The following ROBO1 variants were observed in gnomAD, a reference collection of about 807,000 sequenced individuals.
ROBO1 encodes the protein roundabout homolog 1.
A neutral mutation model predicts 195.9 loss-of-function variants in ROBO1; 149 were observed. That is an observed-to-expected ratio of 0.76 (90% CI 0.67 to 0.87). The LOEUF (loss-of-function observed/expected upper bound fraction) is 0.87. Among genes scored for constraint, ROBO1 ranks in the 40% least tolerant of loss-of-function variants. The probability of loss-of-function intolerance (pLI) is 0.00; values close to 1 mark genes in which losing one functional copy is unlikely to be tolerated. For synonymous variants in ROBO1, 816 were observed against 733.2 expected (o/e 1.11, Z -1.82); for missense variants, 1,933 against 2,068.3 (o/e 0.93, Z 1.27).
At chr3:78,954,267 A>G (rs1227122378) in intron 3 of ROBO1, among the ~76,000 whole-genome samples, 2 of 152,086 alleles carry the variant, frequency 1.3e-5, no homozygotes, top group Non-Finnish European at 1.5e-5. Context: ...TGTGGAAAAC[A>G]TTGCAAATAT....
At chr3:79,129,035 C>A (rs1227878426) in intron 2 of ROBO1, among the ~76,000 whole-genome samples, 1 of 152,038 alleles carries the variant, frequency 6.6e-6, no homozygotes, top group Admixed American at 6.6e-5. Context: ...ATAACATATG[C>A]AACTTGTACA....
chr3:79,728,148 A>G (rs1576290417), intron 1 of ROBO1, among the ~76,000 whole-genome samples: 1 of 146,748 alleles, frequency 6.8e-6, no homozygotes, highest in South Asian at 2.1e-4. Flanking sequence ...CCCCCCCCAC[A>G]GGAAATTTTT....
intron 4 of ROBO1, among the ~76,000 whole-genome samples, chr3:78,752,631 A>C (rs945013724): frequency 2.6e-5 from 4 of 152,184 alleles, no homozygotes; most frequent in African/African-American, 9.7e-5. Flanking sequence ...AACTTTAAAA[A>C]ATATTCCAAC....
At chr3:78,787,410 AT>A (rs1021843947) in intron 4 of ROBO1, among the ~76,000 whole-genome samples, 6 of 151,872 alleles carry the variant, frequency 4.0e-5, no homozygotes, top group Admixed American at 6.6e-5. Flanking sequence ...GCAAATCAGA[AT>A]TTTTTTTTAT....
chr3:78,909,129 C>T (rs912531066), intron 4 of ROBO1, among the ~76,000 whole-genome samples: 1 of 151,668 alleles, frequency 6.6e-6, no homozygotes, highest in African/African-American at 2.4e-5. Flanking sequence ...CTCTCCATTG[C>T]GGAAATAATG....
rs549034591 is a variant in ROBO1, at chr3:79,560,535, T to TTATATATATATATATATATATATATA, written c.88+29288_88+29289insTATATATATATATATATATATATATA. On this transcript the variant is annotated intron_variant, in intron 2 of 30. Coordinates refer to ENST00000464233, the MANE Select transcript of ROBO1 (RefSeq NM_002941.4). ...AAAACTTAAAGTATAATAATAATAA[T>TTATATATATATATATATATATATATA]TATATATATATATATATATATATAC... Among the ~76,000 whole-genome samples the TTATATATATATATATATATATATATA allele has an allele frequency of 1.0e-3, 117 of 115,074 alleles. 1 individual carries two copies. The highest frequency in any genetic ancestry group is 1.5e-3 in the Non-Finnish European group (86 of 58,434). 75.5% of individuals were successfully genotyped at this position (115,074 alleles called of 152,430 possible).
intron 3 of ROBO1, among the ~76,000 whole-genome samples, chr3:78,968,137 G>A (rs2107889850): frequency 6.6e-6 from 1 of 152,202 alleles, no homozygotes; most frequent in Non-Finnish European, 1.5e-5. Context: ...AGAGGGCATG[G>A]AATTTAATTT....
intron 29 of ROBO1, among the ~76,000 whole-genome samples, chr3:78,601,452 G>T (rs564127937): frequency 4.7e-4 from 72 of 152,260 alleles, no homozygotes; most frequent in African/African-American, 1.6e-3. Context: ...ACACATAGGA[G>T]TTTCACAGTC....
intron 2 of ROBO1, among the ~76,000 whole-genome samples, chr3:79,156,198 G>C (rs1475329683): frequency 6.6e-6 from 1 of 151,142 alleles, no homozygotes; most frequent in Non-Finnish European, 1.5e-5. Flanking sequence ...AACCCCTCTT[G>C]GAACTGTTTG....
chr3:79,632,160 A>G (rs1472962614), intron 1 of ROBO1, among the ~76,000 whole-genome samples: 1 of 152,142 alleles, frequency 6.6e-6, no homozygotes, highest in Non-Finnish European at 1.5e-5. Context: ...AAAACATTAT[A>G]TCGAAAAGAC....
At chr3:79,194,200 A>G (rs1218095697) in intron 2 of ROBO1, among the ~76,000 whole-genome samples, 1 of 151,686 alleles carries the variant, frequency 6.6e-6, no homozygotes, top group African/African-American at 2.4e-5. Flanking sequence ...ATAGCCTATC[A>G]ATGTTTTACA....
At chr3:79,595,340 A>G (rs975820404) in intron 1 of ROBO1, among the ~76,000 whole-genome samples, 1 of 152,052 alleles carries the variant, frequency 6.6e-6, no homozygotes, top group South Asian at 2.1e-4. Context: ...TATTTCCACA[A>G]AGTCAAAAGC....
intron 1 of ROBO1, among the ~76,000 whole-genome samples, chr3:79,746,378 CATTA>C (rs1703877725): frequency 6.6e-6 from 1 of 151,682 alleles, no homozygotes; most frequent in Admixed American, 6.6e-5. Context: ...GTGATACAAG[CATTA>C]ATTAATTTGT....
chr3:79,582,986 G>T (rs2107794293), intron 2 of ROBO1, among the ~76,000 whole-genome samples: 1 of 151,978 alleles, frequency 6.6e-6, no homozygotes, highest in Admixed American at 6.6e-5. Context: ...TTATCTGCTT[G>T]TTTACAAGAT....
chr3:78,797,653 G>A (rs143945460), intron 4 of ROBO1, among the ~76,000 whole-genome samples: 17 of 152,216 alleles, frequency 1.1e-4, no homozygotes, highest in African/African-American at 3.6e-4. Context: ...TGTATGTGTC[G>A]GGGATGGGTG....
chr3:78,629,298 C>CTT (rs202040928), intron 25 of ROBO1, among the ~76,000 whole-genome samples: 3 of 131,016 alleles, frequency 2.3e-5, no homozygotes, highest in African/African-American at 7.7e-5. Context: ...TCCTATATTG[C>CTT]TTTTTTTTTA....
chr3:79,600,631 G>A (rs1944312304), intron 1 of ROBO1, among the ~76,000 whole-genome samples: 1 of 135,824 alleles, frequency 7.4e-6, no homozygotes, highest in Non-Finnish European at 1.6e-5. Flanking sequence ...TAGTTTAAAT[G>A]AAAAAGAACG....
rs115699513 is a variant in ROBO1 at position 79,275,878 on chromosome 3, C to T, written c.89-150339G>A. Among the ~76,000 whole-genome samples, 1,115 of 143,586 alleles carry T rather than the reference C, an allele frequency of 7.8e-3. 20 individuals carry two copies. The highest frequency in any genetic ancestry group is 0.026 in the African/African-American group (1,066 of 41,190). 94.2% of individuals were successfully genotyped at this position (143,586 alleles called of 152,430 possible). A position where few individuals can be genotyped will look rare whatever the true frequency, so the allele number is the denominator to read the frequency against. On this transcript the variant is annotated intron_variant, in intron 2 of 30. Transcript: ENST00000464233. Reference sequence around the variant, plus strand: ...GAAATCAAGAAAGTAATCCCATTTACAACAGCTACAAAAAAAAATACCTAG... The same window carrying T: ...GAAATCAAGAAAGTAATCCCATTTATAACAGCTACAAAAAAAAATACCTAG...
At chr3:78,924,677 T>G (rs1286736770) in intron 4 of ROBO1, among the ~76,000 whole-genome samples, 1 of 152,026 alleles carries the variant, frequency 6.6e-6, no homozygotes, top group Non-Finnish European at 1.5e-5. Context: ...TTAACTTTTT[T>G]CCTACCTCCC....
Sources: allele counts gnomAD v4.1 joint callset (sites outside exome capture counted in the v4.1 genomes callset), GRCh38; gene constraint gnomAD v4.1.1; transcripts MANE v1.5; gene names NCBI Gene and HGNC (gene_info 2026-07-23, HGNC 2026-07-21).